WDPCP: variants seen among roughly 807,000 people sequenced by gnomAD.
WDPCP encodes WD repeat containing planar cell polarity effector.
A neutral mutation model predicts 93.1 loss-of-function variants in WDPCP; 71 were observed. The observed-to-expected ratio is 0.76, with a 90% confidence interval of 0.63 to 0.93. The LOEUF (loss-of-function observed/expected upper bound fraction) is 0.93. Ranked by LOEUF, WDPCP falls within the 40% of genes least tolerant of loss-of-function variation. WDPCP has a pLI of 0.00. For missense variants in WDPCP, 844 were observed against 887.4 expected, an observed-to-expected ratio of 0.95 and a Z score of 0.62; for synonymous variants, 315 against 315.0, an observed-to-expected ratio of 1.00 and a Z score of 0.00.
intron 1 of WDPCP, among the ~76,000 whole-genome samples, chr2:63,497,174 T>C (rs1240008787): frequency 4.8e-5 from 7 of 147,120 alleles, no homozygotes. Context: ...CAGCAGAAAG[T>C]AAGCAGGAAT....
chr2:63,299,146 C>G (rs532257495), intron 13 of WDPCP, among the ~76,000 whole-genome samples: 26 of 152,332 alleles, frequency 1.7e-4, no homozygotes, highest in African/African-American at 6.3e-4. Flanking sequence ...CTGCTATTGA[C>G]CAATCCTGTG....
At chr2:63,229,331 T>A (rs1270548169) in intron 14 of WDPCP, 2 of 152,220 alleles carry the variant, frequency 1.3e-5, no homozygotes, top group African/African-American at 2.4e-5. Context: ...TTCTGGATAT[T>A]AGCCCTTTGT....
At chr2:63,455,420 AT>A (rs1698550975) in intron 6 of WDPCP, among the ~76,000 whole-genome samples, 1 of 139,554 alleles carries the variant, frequency 7.2e-6, no homozygotes, top group East Asian at 2.0e-4. Context: ...AAAGATATAT[AT>A]ATATATATAT....
At chr2:63,442,156 G>T (rs1697543149) in intron 6 of WDPCP, 2 of 152,076 alleles carry the variant, frequency 1.3e-5, no homozygotes, top group African/African-American at 4.8e-5. Flanking sequence ...TAATAACACA[G>T]TGGTTAAGAG....
chr2:63,829,118 A>C (rs986134710), upstream of WDPCP, among the ~76,000 whole-genome samples: 1 of 152,188 alleles, frequency 6.6e-6, no homozygotes, highest in African/African-American at 2.4e-5. Context: ...CAACTGTCTT[A>C]CAATCCAATT....
chr2:63,697,708 C>T (rs1395167134), intron 2 of WDPCP, among the ~76,000 whole-genome samples: 3 of 152,046 alleles, frequency 2.0e-5, no homozygotes, highest in Non-Finnish European at 2.9e-5. Flanking sequence ...AGTGCAGTGG[C>T]GTGATCTTGG....
chr2:63,417,168 G>T (rs4671505), intron 9 of WDPCP, among the ~76,000 whole-genome samples: 122,606 of 152,178 alleles, frequency 0.81, 50,053 homozygotes, highest in East Asian at 0.98. Context: ...TTGGCAAGAA[G>T]AGCAGAATGA....
intron 2 of WDPCP, among the ~76,000 whole-genome samples, chr2:63,742,647 C>T (rs1669741267): frequency 6.7e-6 from 1 of 149,248 alleles, no homozygotes; most frequent in Non-Finnish European, 1.5e-5. Flanking sequence ...TGTAGATTAT[C>T]AACCCAAAAC....
chr2:63,310,914 C>T (rs1559308985), intron 13 of WDPCP, among the ~76,000 whole-genome samples: 1 of 152,166 alleles, frequency 6.6e-6, no homozygotes, highest in Admixed American at 6.6e-5. Context: ...CTATTTGCTA[C>T]CTGGCCCTTT....
At chr2:63,134,780 A>G (rs144636613) in intron 17 of WDPCP, among the ~76,000 whole-genome samples, 392 of 152,314 alleles carry the variant, frequency 2.6e-3, no homozygotes, top group African/African-American at 8.4e-3. Flanking sequence ...GGCTGAGTAT[A>G]GGGAAATTGC....
At chr2:63,804,936 G>C (rs1670742879) in intron 2 of WDPCP, among the ~76,000 whole-genome samples, 1 of 152,008 alleles carries the variant, frequency 6.6e-6, no homozygotes. Flanking sequence ...GCTGAGGCAG[G>C]ATAATCGCTT....
chr2:63,132,178 T>C (rs941377229), intron 17 of WDPCP, among the ~76,000 whole-genome samples: 2 of 152,078 alleles, frequency 1.3e-5, no homozygotes, highest in Non-Finnish European at 2.9e-5. Flanking sequence ...CTTTTTAGCC[T>C]GCAAGATTCA....
intron 15 of WDPCP, 103 bp downstream of exon 15, chr2:63,174,567 C>T: frequency 6.6e-7 from 1 of 1,511,774 alleles, no homozygotes; most frequent in Middle Eastern, 2.3e-4. Context: ...GCAAATTTTT[C>T]TCCTTGACAT....
chr2:63,374,515 A>T (rs1408690698), intron 12 of WDPCP, among the ~76,000 whole-genome samples: 1 of 152,148 alleles, frequency 6.6e-6, no homozygotes, highest in East Asian at 1.9e-4. Flanking sequence ...ATTTCATACA[A>T]ATGTTGTATT....
At chr2:63,835,025 AT>A in the WDPCP span, among the ~76,000 whole-genome samples, 1 of 152,122 alleles carries the variant, frequency 6.6e-6, no homozygotes, top group Non-Finnish European at 1.5e-5. Flanking sequence ...TTTTGGTACT[AT>A]CTGGATTTTT....
intron 2 of WDPCP, among the ~76,000 whole-genome samples, chr2:63,772,417 A>G (rs1670242556): frequency 6.6e-6 from 1 of 152,064 alleles, no homozygotes; most frequent in Non-Finnish European, 1.5e-5. Flanking sequence ...GATTCTGTAT[A>G]TAAATGTCTA....
At chr2:63,321,990 C>A (rs1187546434) in intron 12 of WDPCP, among the ~76,000 whole-genome samples, 2 of 152,120 alleles carry the variant, frequency 1.3e-5, no homozygotes, top group African/African-American at 4.8e-5. Flanking sequence ...GAAGTAGACA[C>A]CACTGAAGCT....
intron 1 of WDPCP, among the ~76,000 whole-genome samples, chr2:63,558,527 C>CAAAAAAAAAAAAAAA (rs57582852): frequency 1.4e-5 from 2 of 143,256 alleles, no homozygotes; most frequent in Non-Finnish European, 3.1e-5. Context: ...GACTCTGTCT[C>CAAAAAAAAAAAAAAA]AAAAAAAAAA....
At chr2:63,671,484 G>A (rs1710347850) in intron 2 of WDPCP, among the ~76,000 whole-genome samples, 1 of 151,998 alleles carries the variant, frequency 6.6e-6, no homozygotes, top group South Asian at 2.1e-4. Context: ...TTTATTAGCC[G>A]ATGCTCACCC....
Sources: gnomAD v4.1 joint callset for allele counts (sites outside exome capture counted in the v4.1 genomes callset) on GRCh38, gnomAD v4.1.1 for gene constraint, MANE v1.5 for transcripts, NCBI Gene and HGNC (gene_info 2026-07-23, HGNC 2026-07-21) for gene names.